PGM2L1: variants seen among roughly 807,000 people sequenced by gnomAD.
PGM2L1 encodes the protein glucose 1,6-bisphosphate synthase.
A neutral mutation model predicts 73.4 loss-of-function variants in PGM2L1; 35 were observed. The observed-to-expected ratio is 0.48, with a 90% CI of 0.36 to 0.63. The LOEUF (loss-of-function observed/expected upper bound fraction) is 0.63. Ranked by LOEUF, PGM2L1 falls within the 30% of genes least tolerant of loss-of-function variation. PGM2L1 has a pLI of 0.00. For missense variants in PGM2L1, 570 were observed against 742.0 expected (o/e 0.77, Z 2.69); for synonymous variants, 225 against 253.8 (o/e 0.89, Z 1.08).
chr11:74,383,590 C>T (rs924078105), intron 1 of PGM2L1, among the ~76,000 whole-genome samples: 2 of 151,806 alleles, frequency 1.3e-5, no homozygotes, highest in African/African-American at 4.8e-5. Context: ...TATCCTGATG[C>T]TCTCCCTCCC....
chr11:74,398,029 G>A, intron 1 of PGM2L1, 22 bp downstream of exon 1: 1 of 1,583,784 alleles, frequency 6.3e-7, no homozygotes, highest in Non-Finnish European at 8.6e-7. Context: ...GACGGCGTTT[G>A]CCGGGCTGAC....
At chr11:74,348,076 C>T (rs1299542987) in intron 6 of PGM2L1, among the ~76,000 whole-genome samples, 11 of 152,224 alleles carry the variant, frequency 7.2e-5, no homozygotes, top group African/African-American at 2.6e-4. Context: ...ACCGACAACC[C>T]ATATTTTTTC....
chr11:74,347,310 T>G lies in PGM2L1; in HGVS notation c.777A>C (p.Lys259Asn). The part of the protein sequence containing the change: ...YRELNSKTTL[K>N]FVHTSFHGVG... ...CCCCATGAAAAGATGTGTGCACAAA[T>G]TTCAAGGTGGTCTTCGAGTTTAACT... The change falls in exon 7 of 14, where the codon AAA (lysine) becomes AAC (asparagine). Residue 259 changes from lysine (K) to asparagine (N), a missense_variant. Lys to Asn is a moderately conservative substitution (Grantham distance 94). Coordinates refer to ENST00000298198, the MANE Select transcript of PGM2L1 (RefSeq NM_173582.6). 3 of 1,600,680 alleles carry G rather than the reference T, an allele frequency of 1.9e-6. No individual in the cohort carries two copies. The highest frequency in any genetic ancestry group is 2.3e-5 in the South Asian group (2 of 87,530).
intron 13 of PGM2L1, among the ~76,000 whole-genome samples, chr11:74,338,257 C>T (rs767920539): frequency 2.0e-5 from 3 of 151,944 alleles, no homozygotes; most frequent in Admixed American, 6.6e-5. Context: ...TGCTGAGGGC[C>T]GTAAAGGAGG....
At chr11:74,386,621 A>T (rs1425758232) in intron 1 of PGM2L1, among the ~76,000 whole-genome samples, 1 of 151,964 alleles carries the variant, frequency 6.6e-6, no homozygotes, top group East Asian at 1.9e-4. Flanking sequence ...GACTATAGGC[A>T]CATGCCACCA....
At chr11:74,359,922 T>A (rs1374200289) in intron 5 of PGM2L1, among the ~76,000 whole-genome samples, 1 of 152,186 alleles carries the variant, frequency 6.6e-6, no homozygotes, top group Non-Finnish European at 1.5e-5. Context: ...GTGCCAAATA[T>A]GTTCAACAGC....
chr11:74,334,825 C>T lies in PGM2L1; in HGVS notation c.*1827G>A, dbSNP rs1447843002. On this transcript the variant is annotated 3_prime_UTR_variant, in exon 14 of 14. Coordinates refer to ENST00000298198, the MANE Select transcript of PGM2L1 (RefSeq NM_173582.6). ...TGTTATTGTTATCTCCTAACTATACCCCATATGTATTCTGAGAACTATGTA... is the reference window on the plus strand; with the variant it reads ...TGTTATTGTTATCTCCTAACTATACTCCATATGTATTCTGAGAACTATGTA... 6.6e-6 allele frequency: 1 copy of T among 151,896 alleles called. No homozygotes were observed. Among genetic ancestry groups the T allele is most frequent in the African/African-American group, 2.4e-5 (1 of 41,326 alleles). 9.4% of individuals were successfully genotyped at this position (151,896 alleles called of 1,614,324 possible).
intron 5 of PGM2L1, among the ~76,000 whole-genome samples, chr11:74,361,145 C>G (rs894653114): frequency 6.6e-6 from 1 of 152,268 alleles, no homozygotes; most frequent in Middle Eastern, 3.4e-3. Context: ...GGGAGGCACC[C>G]CCCAGTAGGG....
intron 5 of PGM2L1, among the ~76,000 whole-genome samples, chr11:74,357,949 T>A (rs188873661): frequency 1.4e-4 from 21 of 152,270 alleles, no homozygotes; most frequent in Non-Finnish European, 1.5e-5. Context: ...TCCAACAATA[T>A]GATACTCTGG....
chr11:74,354,489 T>C (rs1165774236), intron 5 of PGM2L1: 19 of 1,153,090 alleles, frequency 1.6e-5, no homozygotes. Context: ...CTGAGGAAGC[T>C]CTTTATTGGA....
intron 5 of PGM2L1, among the ~76,000 whole-genome samples, chr11:74,356,167 A>G (rs1862451642): frequency 6.6e-6 from 1 of 151,852 alleles, no homozygotes; most frequent in Admixed American, 6.6e-5. Context: ...TTCTATTTGG[A>G]GTTTATGCAG....
In PGM2L1 at chr11:74,345,735, A is replaced by C. The variant is rs1862251523; in HGVS notation, c.1038-86T>G. The C allele has an allele frequency of 9.2e-6, 11 of 1,193,992 alleles. No homozygotes were observed. The South Asian group carries it at 1.5e-4, about 16-fold the overall frequency. The allele number at this position is 1,193,992 out of a possible 1,614,324, so 74.0% of individuals were successfully genotyped here. ...CAAGGCCTAAAAATTACCATCCTTC[A>C]GTTAGGAAAAATCAAAAACTATCAT... On this transcript the variant is annotated intron_variant, in intron 8 of 13. Coordinates refer to ENST00000298198, the MANE Select transcript of PGM2L1 (RefSeq NM_173582.6).
intron 5 of PGM2L1, 84 bp downstream of exon 5, chr11:74,368,408 G>GT: frequency 8.2e-7 from 1 of 1,218,466 alleles, no homozygotes; most frequent in Admixed American, 1.8e-5. Flanking sequence ...CTGCTCTCCA[G>GT]TATAGAAAAC....
At position 74,347,299 on chromosome 11, in the gene PGM2L1, G is replaced by A. The variant is rs1405846068; in HGVS notation, c.788C>T (p.Thr263Ile). 1 of 1,605,856 alleles carries A rather than the reference G, an allele frequency of 6.2e-7. No homozygotes were observed. The highest frequency in any genetic ancestry group is 1.7e-5 in the Admixed American group (1 of 58,950). ...NSKTTLKFVH[T>I]SFHGVGHDYV... ...GTCATGTCCGACCCCATGAAAAGAT[G>A]TGTGCACAAATTTCAAGGTGGTCTT... The change falls in exon 7 of 14, where the codon ACA (threonine) becomes ATA (isoleucine). Residue 263 changes from threonine (T) to isoleucine (I), a missense_variant. Coordinates refer to ENST00000298198, the MANE Select transcript of PGM2L1 (RefSeq NM_173582.6).
chr11:74,347,924 A>G (rs7926851), intron 6 of PGM2L1, among the ~76,000 whole-genome samples: 82,447 of 151,944 alleles, frequency 0.54, 24,645 homozygotes, highest in East Asian at 0.8. Context: ...TTGTTACCCA[A>G]AAAGCTTACT....
chr11:74,343,002 C>G lies in PGM2L1; in HGVS notation c.1325G>C (p.Gly442Ala). 6.2e-7 allele frequency: 1 copy of G among 1,602,646 alleles called. No individual in the cohort carries two copies. The highest frequency in any genetic ancestry group is 8.5e-7 in the Non-Finnish European group (1 of 1,176,740). Reference protein sequence around the residue: ...AFEESIGFLCGTSVLDKDGVS... With the variant: ...AFEESIGFLCATSVLDKDGVS... ...CCCATCTTTATCCAAAACTGAAGTT[C>G]CACAGAGAAAACCTGAGGATTGAAA... Residue 442 changes from glycine to alanine, a missense_variant, in exon 11 of 14, where the codon GGA becomes GCA. Coordinates refer to ENST00000298198, the MANE Select transcript of PGM2L1 (RefSeq NM_173582.6).
chr11:74,343,131 T>C (rs974490407), intron 10 of PGM2L1, 117 bp from the exon 11 acceptor site: 1 of 1,377,078 alleles, frequency 7.3e-7, no homozygotes, highest in Non-Finnish European at 9.8e-7. Flanking sequence ...ATGAAACTCA[T>C]CAATACTGAG....
chr11:74,357,278 C>T (rs1289322387), intron 5 of PGM2L1, among the ~76,000 whole-genome samples: 2 of 152,096 alleles, frequency 1.3e-5, no homozygotes, highest in South Asian at 2.1e-4. Flanking sequence ...AAAGACATGC[C>T]AGACTGGGAG....
chr11:74,371,614 A>C (rs1862754831), intron 3 of PGM2L1, 97 bp downstream of exon 3: 1 of 880,274 alleles, frequency 1.1e-6, no homozygotes, highest in Non-Finnish European at 1.8e-6. Context: ...TCTATCTGAC[A>C]GTCTACTGTT....
Sources: allele counts gnomAD v4.1 joint callset (sites outside exome capture counted in the v4.1 genomes callset), GRCh38; gene constraint gnomAD v4.1.1; transcripts MANE v1.5; gene names NCBI Gene and HGNC (gene_info 2026-07-23, HGNC 2026-07-21).